Variants in LRMDA observed in about 807,000 individuals in gnomAD.
LRMDA encodes leucine rich melanocyte differentiation associated.
Under a neutral mutation model 29.8 loss-of-function variants are expected in LRMDA, and 18 were observed. That is an observed-to-expected ratio of 0.60 (90% CI 0.42 to 0.90). The LOEUF is 0.90. LRMDA is among the 40% of genes least tolerant of loss of function. The probability of loss-of-function intolerance (pLI) is 0.00; values close to 1 mark genes in which losing one functional copy is unlikely to be tolerated. For synonymous variants in LRMDA, 125 were observed against 109.4 expected (o/e 1.14, Z -0.89); for missense variants, 273 against 273.9 (o/e 1.00, Z 0.02).
intron 6 of LRMDA, among the ~76,000 whole-genome samples, chr10:76,504,511 A>G (rs1183891939): frequency 6.6e-6 from 1 of 152,084 alleles, no homozygotes; most frequent in Non-Finnish European, 1.5e-5. Flanking sequence ...GGGTACATAT[A>G]TGTTTATGAT....
chr10:75,891,040 G>A (rs998720146), intron 2 of LRMDA, among the ~76,000 whole-genome samples: 9 of 152,048 alleles, frequency 5.9e-5, no homozygotes, highest in African/African-American at 1.9e-4. Context: ...GGGAGGCAGA[G>A]GTTGCAGTGA....
At chr10:75,642,618 C>T (rs1841468720) in intron 2 of LRMDA, 1 of 152,140 alleles carries the variant, frequency 6.6e-6, no homozygotes, top group South Asian at 2.1e-4. Context: ...CAGTGGAAAC[C>T]TCTGCTGATT....
At chr10:75,890,799 G>A (rs1402568934) in intron 2 of LRMDA, among the ~76,000 whole-genome samples, 1 of 152,122 alleles carries the variant, frequency 6.6e-6, no homozygotes, top group Admixed American at 6.6e-5. Flanking sequence ...CTGCCAGGAA[G>A]CTGTTGAAAG....
intron 2 of LRMDA, among the ~76,000 whole-genome samples, chr10:75,646,737 AGTTAT>A (rs1361026569): frequency 6.6e-6 from 1 of 152,238 alleles, no homozygotes; most frequent in Admixed American, 6.5e-5. Context: ...GTGGACTGAC[AGTTAT>A]TAATGATTGT....
chr10:75,992,705 T>A (rs1173724786), intron 2 of LRMDA, among the ~76,000 whole-genome samples: 2 of 152,140 alleles, frequency 1.3e-5, no homozygotes, highest in African/African-American at 4.8e-5. Flanking sequence ...GACAGTCTCA[T>A]TCTGGGAGCT....
At chr10:75,636,069 T>A (rs1841386890) in intron 2 of LRMDA, among the ~76,000 whole-genome samples, 1 of 152,274 alleles carries the variant, frequency 6.6e-6, no homozygotes, top group Admixed American at 6.5e-5. Flanking sequence ...ATTAATCCTA[T>A]GCAAATGTTT....
At chr10:75,530,438 A>G (rs1025237330) in intron 2 of LRMDA, among the ~76,000 whole-genome samples, 10 of 152,164 alleles carry the variant, frequency 6.6e-5, no homozygotes, top group African/African-American at 2.4e-4. Context: ...TCAGTTGACA[A>G]GTGACGAATG....
intron 2 of LRMDA, among the ~76,000 whole-genome samples, chr10:75,676,087 AT>A (rs140846325): frequency 0.066 from 10,091 of 152,222 alleles, 469 homozygotes; most frequent in South Asian, 0.12. Context: ...GGTCTCAAAC[AT>A]TTTAAGAACT....
chr10:75,772,869 T>TGGGGGGGGGGGGGGGGGGG (rs1554824987), intron 2 of LRMDA, among the ~76,000 whole-genome samples: 2 of 49,762 alleles, frequency 4.0e-5, no homozygotes, highest in African/African-American at 7.1e-5. Context: ...GGGGGTGGGA[T>TGGGGGGGGGGGGGGGGGGG]GGGGGGGGGC....
chr10:75,524,503 A>C (rs1845393830), intron 2 of LRMDA, among the ~76,000 whole-genome samples: 1 of 152,104 alleles, frequency 6.6e-6, no homozygotes, highest in African/African-American at 2.4e-5. Context: ...TTTACAAAAC[A>C]CCTAATACAG....
chr10:76,419,024 C>T (rs750504335), intron 6 of LRMDA, among the ~76,000 whole-genome samples: 15 of 152,074 alleles, frequency 9.9e-5, no homozygotes, highest in South Asian at 4.1e-4. Context: ...GCCTTTCACA[C>T]GATCAGCATC....
In LRMDA at chr10:76,533,140, CGAGAGCGAGAGTGAGA is replaced by C. The variant is rs1216139447; in HGVS notation, c.602-24057_602-24042del. ...AAAATAACCACTTGTAGATGGAGAG[CGAGAGCGAGAGTGAGA>C]GAGAGCGAGAGAGAGAATGAATCAC... On this transcript the variant is annotated intron_variant, in intron 6 of 6. Transcript: ENST00000611255. Among the ~76,000 whole-genome samples, 82 of 130,162 alleles carry C rather than the reference CGAGAGCGAGAGTGAGA, an allele frequency of 6.3e-4. 1 individual carries two copies. The South Asian group carries it at 0.019, about 30-fold the overall frequency. The allele number at this position is 130,162 out of a possible 152,430, so 85.4% of individuals were successfully genotyped here. A position where few individuals can be genotyped will look rare whatever the true frequency, so the allele number is the denominator to read the frequency against.
intron 5 of LRMDA, among the ~76,000 whole-genome samples, chr10:76,299,593 CCCTT>C (rs1840454683): frequency 7.7e-6 from 1 of 130,598 alleles, no homozygotes; most frequent in Non-Finnish European, 1.6e-5. Context: ...TGAACCACCC[CCCTT>C]CCTTTCTTTT....
chr10:76,126,045 T>C (rs983607554), intron 5 of LRMDA, among the ~76,000 whole-genome samples: 1 of 152,212 alleles, frequency 6.6e-6, no homozygotes, highest in South Asian at 2.1e-4. Flanking sequence ...ATTTAGGACC[T>C]TTCATTGGGC....
At chr10:75,747,792 T>C (rs1399995036) in intron 2 of LRMDA, among the ~76,000 whole-genome samples, 1 of 152,212 alleles carries the variant, frequency 6.6e-6, no homozygotes, top group Non-Finnish European at 1.5e-5. Context: ...GCTGAGTGTG[T>C]AGATGGTAGG....
intron 2 of LRMDA, among the ~76,000 whole-genome samples, chr10:75,669,737 G>A (rs985924220): frequency 2.6e-5 from 4 of 152,106 alleles, no homozygotes; most frequent in Admixed American, 6.5e-5. Context: ...TTGGTGTTAC[G>A]CCTCAGTACT....
chr10:75,774,355 TTGTG>T (rs1843281712), intron 2 of LRMDA, among the ~76,000 whole-genome samples: 1 of 152,194 alleles, frequency 6.6e-6, no homozygotes, highest in Non-Finnish European at 1.5e-5. Context: ...TATTTCTTCT[TTGTG>T]TGTATAATGT....
At chr10:76,151,093 G>A (rs887312929) in intron 5 of LRMDA, among the ~76,000 whole-genome samples, 7 of 152,098 alleles carry the variant, frequency 4.6e-5, no homozygotes, top group African/African-American at 1.4e-4. Context: ...AGGCAGGGGT[G>A]GCAGCTTCAG....
In LRMDA at chr10:75,909,204, G is replaced by A. The variant is rs560799205; in HGVS notation, c.132-126804G>A. ...CCTAGTATAGTAAGTGCTGTAAAAT[G>A]TGTTTAAGGGAGGAGAACCCAAAGA... On this transcript the variant is annotated intron_variant, in intron 2 of 6. Transcript: ENST00000611255. Among the ~76,000 whole-genome samples the A allele has an allele frequency of 6.6e-4, 101 of 152,306 alleles. 2 individuals are homozygous for A. The highest frequency in any genetic ancestry group is 2.3e-3 in the African/African-American group (94 of 41,572).
Sources: allele counts gnomAD v4.1 joint callset (sites outside exome capture counted in the v4.1 genomes callset), GRCh38; gene constraint gnomAD v4.1.1; transcripts MANE v1.5; gene names NCBI Gene and HGNC (gene_info 2026-07-23, HGNC 2026-07-21).